The following ASB15 variants were observed in gnomAD, a reference collection of about 807,000 sequenced individuals.
ASB15 encodes ankyrin repeat and SOCS box containing 15, also known as ankyrin repeat and SOCS box protein 15.
In ASB15, 54 loss-of-function variants were observed where a neutral mutation model predicts 58.0. The ratio of observed to expected loss-of-function variants is 0.93; its 90% confidence interval spans 0.75 to 1.17. The LOEUF (loss-of-function observed/expected upper bound fraction) is 1.17. ASB15 is among the 50% of genes most tolerant of loss of function. The pLI is 0.00. For missense variants in ASB15, 680 were observed against 707.4 expected (o/e 0.96, Z 0.44); for synonymous variants, 249 against 262.4 (o/e 0.95, Z 0.50).
chr7:123,627,631 A>G (rs573272482), intron 9 of ASB15, among the ~76,000 whole-genome samples: 1 of 152,366 alleles, frequency 6.6e-6, no homozygotes, highest in South Asian at 2.1e-4. Context: ...TGCCCTTGAC[A>G]AAGGATTAAA....
Position 123,624,827 on chromosome 7 carries a change from G to A in ASB15, c.697+13G>A, listed in dbSNP as rs1263161289. The stretch of plus-strand genomic sequence containing the variant: ...CTAATCCACAAAGGTATGTGAAAAG[G>A]AGTTACACTTCCTGACTTTTGTCCT... On this transcript the variant is annotated intron_variant, in intron 8 of 11. Coordinates refer to ENST00000451215, the MANE Select transcript of ASB15 (RefSeq NM_001290258.2). 1.9e-6 allele frequency: 3 copies of A among 1,610,172 alleles called. No individual in the cohort carries two copies. Among genetic ancestry groups the A allele is most frequent in the African/African-American group, 2.7e-5 (2 of 74,854 alleles).
At chr7:123,611,644 G>T (rs774477145) in intron 3 of ASB15, among the ~76,000 whole-genome samples, 2 of 152,074 alleles carry the variant, frequency 1.3e-5, no homozygotes, top group Non-Finnish European at 2.9e-5. Context: ...GAACTGAACT[G>T]GTCTTAGATA....
chr7:123,592,946 C>T (rs193297593), intron 1 of ASB15, among the ~76,000 whole-genome samples: 11 of 151,924 alleles, frequency 7.2e-5, no homozygotes, highest in African/African-American at 2.4e-4. Flanking sequence ...TTATGAATCT[C>T]GGTGCTCCTG....
intron 6 of ASB15, among the ~76,000 whole-genome samples, chr7:123,616,876 T>G (rs547837095): frequency 2.6e-5 from 4 of 152,326 alleles, no homozygotes; most frequent in African/African-American, 9.6e-5. Flanking sequence ...TCCAAAAGAT[T>G]CTTATATAGT....
At chr7:123,601,471 G>A (rs1253160851), upstream of ASB15, among the ~76,000 whole-genome samples, 1 of 152,144 alleles carries the variant, frequency 6.6e-6, no homozygotes, top group Admixed American at 6.6e-5. Context: ...AAGAAAAATA[G>A]TGTGTATTAA....
At chr7:123,567,885 C>T (rs953532998) in intron 1 of ASB15, among the ~76,000 whole-genome samples, 3 of 152,176 alleles carry the variant, frequency 2.0e-5, no homozygotes, top group Middle Eastern at 3.4e-3. Flanking sequence ...ATTCCAATCA[C>T]TTGGATGTTA....
intron 11 of ASB15, among the ~76,000 whole-genome samples, chr7:123,631,316 A>C (rs1347309445): frequency 6.6e-6 from 1 of 152,194 alleles, no homozygotes; most frequent in Non-Finnish European, 1.5e-5. Flanking sequence ...TAGTGTCTAG[A>C]ATACTTAAAT....
intron 2 of ASB15, among the ~76,000 whole-genome samples, 189 bp downstream of exon 2, chr7:123,604,401 G>A (rs1800035129): frequency 6.6e-6 from 1 of 151,948 alleles, no homozygotes; most frequent in Non-Finnish European, 1.5e-5. Context: ...GACCAACGTG[G>A]TGAAACCCTG....
rs755050289 is a variant in ASB15 at position 123,628,993 on chromosome 7, T to C, written c.999T>C (p.Asp333=). 15 of 1,613,596 alleles carry C rather than the reference T, an allele frequency of 9.3e-6. No individual in the cohort carries two copies. Among genetic ancestry groups the C allele is most frequent in the Non-Finnish European group, 1.1e-5 (13 of 1,179,618 alleles). Residue 333 remains aspartate (D), a synonymous_variant, in exon 10 of 12, where the codon GAT becomes GAC. Coordinates refer to ENST00000451215, the MANE Select transcript of ASB15 (RefSeq NM_001290258.2). The part of the protein sequence containing the change: ...CLELLIENGF[D]VNTLLADHIS... Reference sequence around the variant, plus strand: ...AACTGCTCATTGAAAATGGTTTTGATGTCAACACTCTACTTGCTGACCACA... The same window carrying C: ...AACTGCTCATTGAAAATGGTTTTGACGTCAACACTCTACTTGCTGACCACA...
intron 1 of ASB15, among the ~76,000 whole-genome samples, chr7:123,591,758 A>T (rs1002367465): frequency 6.6e-6 from 1 of 151,970 alleles, no homozygotes; most frequent in Non-Finnish European, 1.5e-5. Context: ...GCCTAAAATT[A>T]TCTTTTTATA....
Position 123,568,595 on chromosome 7 carries a change from G to A in ASB15, c.-443+1507G>A, listed in dbSNP as rs572829924. On this transcript the variant is annotated intron_variant, in intron 1 of 13. Coordinates refer to the ASB15 transcript ENST00000451558. ...TTAAATATTTCTAGCCACCTCACCC[G>A]TGCCATTTGGGGAAGGCTTAACTCC... 1.5e-4 allele frequency among the ~76,000 whole-genome samples: 22 copies of A among 151,656 alleles called. No individual in the cohort carries two copies. In the South Asian group the frequency reaches 1.9e-3, roughly 13 times the overall value.
chr7:123,591,692 T>C (rs1287066419), intron 1 of ASB15, among the ~76,000 whole-genome samples: 2 of 152,192 alleles, frequency 1.3e-5, no homozygotes, highest in South Asian at 2.1e-4. Flanking sequence ...GTTGCTGGAT[T>C]CGGTTTGCCA....
At chr7:123,619,049 A>G (rs1464879108) in intron 7 of ASB15, among the ~76,000 whole-genome samples, 2 of 151,742 alleles carry the variant, frequency 1.3e-5, no homozygotes, top group Non-Finnish European at 2.9e-5. Context: ...GCTTCGTGGC[A>G]GGCACCTGTA....
chr7:123,635,583 C>CTT (rs5887149), intron 11 of ASB15, among the ~76,000 whole-genome samples: 82 of 81,664 alleles, frequency 1.0e-3, no homozygotes, highest in African/African-American at 2.3e-3. Context: ...AAATTAATTG[C>CTT]TTTTTTTTTT....
At chr7:123,590,020 C>T (rs1207714866) in intron 1 of ASB15, among the ~76,000 whole-genome samples, 1 of 152,024 alleles carries the variant, frequency 6.6e-6, no homozygotes, top group East Asian at 1.9e-4. Context: ...TTCTAACTGG[C>T]ATGAGATGGT....
At chr7:123,619,128 C>T (rs1388663410) in intron 7 of ASB15, among the ~76,000 whole-genome samples, 2 of 139,570 alleles carry the variant, frequency 1.4e-5, no homozygotes, top group Non-Finnish European at 3.0e-5. Flanking sequence ...TTCAGTGAGC[C>T]GAGATCGCAC....
intron 1 of ASB15, among the ~76,000 whole-genome samples, chr7:123,574,358 G>A (rs1799003709): frequency 6.6e-6 from 1 of 152,018 alleles, no homozygotes. Context: ...GTATATGTCG[G>A]AATCACCTGA....
intron 11 of ASB15, among the ~76,000 whole-genome samples, chr7:123,634,639 G>A (rs1379227322): frequency 1.3e-5 from 2 of 152,076 alleles, no homozygotes; most frequent in East Asian, 3.8e-4. Context: ...AAAGACTTAA[G>A]CATTTATTCT....
chr7:123,632,559 CACTGTACCCAATGTGT>C (rs1802178044), intron 11 of ASB15, among the ~76,000 whole-genome samples: 1 of 152,102 alleles, frequency 6.6e-6, no homozygotes, highest in Non-Finnish European at 1.5e-5. Context: ...AAGCAGTGTA[CACTGTACCCAATGTGT>C]ACTCTTTTAT....
Sources: gnomAD v4.1 joint callset for allele counts (sites outside exome capture counted in the v4.1 genomes callset) on GRCh38, gnomAD v4.1.1 for gene constraint, MANE v1.5 for transcripts, NCBI Gene and HGNC (gene_info 2026-07-23, HGNC 2026-07-21) for gene names.